OCA2: variants seen among roughly 807,000 people sequenced by gnomAD.
OCA2 encodes P protein.
OCA2 carries 77 observed loss-of-function variants against 100.2 expected under a neutral mutation model. The ratio of observed to expected loss-of-function variants is 0.77; its 90% confidence interval spans 0.64 to 0.93. The LOEUF (loss-of-function observed/expected upper bound fraction) is 0.93, where lower values mean the gene tolerates loss of function less well. Ranked by LOEUF, OCA2 falls within the 40% of genes least tolerant of loss-of-function variation. The probability of loss-of-function intolerance (pLI) is 0.00; values close to 1 mark genes in which losing one functional copy is unlikely to be tolerated. For synonymous variants in OCA2, 432 were observed against 439.2 expected, an observed-to-expected ratio of 0.98 and a Z score of 0.21; for missense variants, 1,062 against 1,089.1, an observed-to-expected ratio of 0.98 and a Z score of 0.35.
At chr15:27,819,030 C>T (rs369924122) in intron 23 of OCA2, among the ~76,000 whole-genome samples, 1 of 152,166 alleles carries the variant, frequency 6.6e-6, no homozygotes, top group East Asian at 1.9e-4. Context: ...TGACACTTTG[C>T]CACTTACTAG....
chr15:27,892,968 AAACC>A (rs2037526693), intron 19 of OCA2, among the ~76,000 whole-genome samples: 1 of 152,250 alleles, frequency 6.6e-6, no homozygotes, highest in Non-Finnish European at 1.5e-5. Flanking sequence ...AAAAAGAAAC[AAACC>A]AATTCCTCAA....
intron 4 of OCA2, among the ~76,000 whole-genome samples, chr15:28,026,036 A>G (rs998734909): frequency 1.3e-5 from 2 of 152,258 alleles, no homozygotes; most frequent in East Asian, 1.9e-4. Context: ...TTTTTAAAGC[A>G]TGAAGCATTA....
chr15:28,083,380 C>T (rs2044712906), intron 1 of OCA2, among the ~76,000 whole-genome samples: 1 of 152,206 alleles, frequency 6.6e-6, no homozygotes, highest in Non-Finnish European at 1.5e-5. Context: ...ATTGTTATTT[C>T]CCTGCTTTAA....
chr15:27,947,719 C>T (rs1235927092), intron 18 of OCA2, among the ~76,000 whole-genome samples: 1 of 152,218 alleles, frequency 6.6e-6, no homozygotes, highest in African/African-American at 2.4e-5. Flanking sequence ...TCTTGCTCTA[C>T]TCAACCCCAC....
At chr15:27,819,925 G>A (rs540452280) in intron 23 of OCA2, among the ~76,000 whole-genome samples, 1 of 152,242 alleles carries the variant, frequency 6.6e-6, no homozygotes, top group African/African-American at 2.4e-5. Context: ...TATATAAGAT[G>A]AGCGTGGAAC....
intron 19 of OCA2, among the ~76,000 whole-genome samples, chr15:27,917,051 A>G (rs940135615): frequency 2.0e-5 from 3 of 152,232 alleles, no homozygotes; most frequent in African/African-American, 7.2e-5. Flanking sequence ...TGCTTGGGGT[A>G]GGGGAGCTGG....
chr15:27,925,986 G>T, intron 19 of OCA2, 141 bp downstream of exon 19: 1 of 971,146 alleles, frequency 1.0e-6, no homozygotes, highest in Non-Finnish European at 1.5e-6. Context: ...ACTTAAAATA[G>T]TCCAATTACA....
intron 23 of OCA2, among the ~76,000 whole-genome samples, chr15:27,842,131 G>C (rs188097326): frequency 2.6e-5 from 4 of 152,330 alleles, no homozygotes; most frequent in Admixed American, 2.0e-4. Flanking sequence ...GGATACATCT[G>C]CCTGTTGGAG....
At chr15:27,794,697 C>A (rs577908826) in intron 23 of OCA2, among the ~76,000 whole-genome samples, 1 of 152,246 alleles carries the variant, frequency 6.6e-6, no homozygotes, top group East Asian at 1.9e-4. Context: ...TCCTCACTCC[C>A]AAATGATGGT....
chr15:28,097,253 T>G (rs2141985825), intron 1 of OCA2, among the ~76,000 whole-genome samples: 1 of 152,078 alleles, frequency 6.6e-6, no homozygotes, highest in Non-Finnish European at 1.5e-5. Flanking sequence ...ACTGCGCGGG[T>G]CCCGCGGGTG....
At chr15:27,900,000 TA>T (rs1320103813) in intron 19 of OCA2, among the ~76,000 whole-genome samples, 2 of 152,068 alleles carry the variant, frequency 1.3e-5, no homozygotes, top group African/African-American at 4.8e-5. Context: ...ACACAACTAA[TA>T]AAGGTACCAT....
chr15:28,031,999 C>G (rs905832235), intron 3 of OCA2, 66 bp downstream of exon 3: 3 of 1,231,062 alleles, frequency 2.4e-6, no homozygotes, highest in African/African-American at 1.5e-5. Context: ...CTCAAGTTCT[C>G]CAGCATACAT....
chr15:28,073,179 G>A (rs1008304900), intron 2 of OCA2, among the ~76,000 whole-genome samples: 8 of 152,192 alleles, frequency 5.3e-5, no homozygotes, highest in East Asian at 3.9e-4. Flanking sequence ...TTTGGGAGGC[G>A]GAGGTGGGCG....
intron 2 of OCA2, among the ~76,000 whole-genome samples, chr15:28,068,417 G>C (rs1226347667): frequency 6.6e-6 from 1 of 152,194 alleles, no homozygotes; most frequent in African/African-American, 2.4e-5. Flanking sequence ...GGAAGAGATT[G>C]AAAACCTGAA....
At chr15:27,985,331 G>T in intron 12 of OCA2, 143 bp from the exon 13 acceptor site, 1 of 973,724 alleles carries the variant, frequency 1.0e-6, no homozygotes, top group Admixed American at 2.0e-5. Flanking sequence ...GGAGTCCTAG[G>T]GGGGCCGAGA....
intron 9 of OCA2, among the ~76,000 whole-genome samples, chr15:28,012,504 G>A (rs894467780): frequency 6.6e-4 from 101 of 152,272 alleles, no homozygotes; most frequent in African/African-American, 2.4e-3. Context: ...GCTGGTTTCT[G>A]TGTGGTGGCC....
chr15:27,725,481 T>C, the OCA2 span, among the ~76,000 whole-genome samples: 1 of 152,142 alleles, frequency 6.6e-6, no homozygotes, highest in Non-Finnish European at 1.5e-5. Context: ...GGCAGGAGAA[T>C]TGCTTGAACC....
intron 19 of OCA2, among the ~76,000 whole-genome samples, chr15:27,916,281 C>T (rs2038660388): frequency 6.6e-6 from 1 of 152,036 alleles, no homozygotes; most frequent in Non-Finnish European, 1.5e-5. Flanking sequence ...AATCTGTAAG[C>T]CAAGCCCCCA....
chr15:27,797,788 C>T (rs1181242128), intron 23 of OCA2, among the ~76,000 whole-genome samples: 5 of 152,080 alleles, frequency 3.3e-5, no homozygotes, highest in Admixed American at 3.3e-4. Context: ...GACTGGAGGG[C>T]GAGGAGTAAC....
Sources: allele counts gnomAD v4.1 joint callset (sites outside exome capture counted in the v4.1 genomes callset), GRCh38; gene constraint gnomAD v4.1.1; transcripts MANE v1.5; gene names NCBI Gene and HGNC (gene_info 2026-07-23, HGNC 2026-07-21).